Variants in GABRA4 observed in about 807,000 individuals in gnomAD.
GABRA4 encodes the protein gamma-aminobutyric acid receptor subunit alpha-4.
In GABRA4, 12 loss-of-function variants were observed where a neutral mutation model predicts 49.7. The ratio of observed to expected loss-of-function variants is 0.24; its 90% CI spans 0.15 to 0.39. GABRA4 has a LOEUF of 0.39. Among genes scored for constraint, GABRA4 ranks in the 10% least tolerant of loss-of-function variants. GABRA4 has a pLI of 1.00. For missense variants in GABRA4, 506 were observed against 686.0 expected, an observed-to-expected ratio of 0.74 and a Z score of 2.93; for synonymous variants, 288 against 240.2, an observed-to-expected ratio of 1.20 and a Z score of -1.84.
intron 5 of GABRA4, among the ~76,000 whole-genome samples, chr4:46,976,721 T>TTA (rs1306158773): frequency 8.6e-5 from 13 of 151,504 alleles, no homozygotes; most frequent in South Asian, 2.1e-4. Context: ...ATTATATCAA[T>TTA]TATATATATA....
intron 7 of GABRA4, among the ~76,000 whole-genome samples, chr4:46,965,543 G>C (rs530679720): frequency 6.6e-6 from 1 of 151,844 alleles, no homozygotes; most frequent in African/African-American, 2.4e-5. Flanking sequence ...AAGGTTAAAA[G>C]CATGTAACGC....
intron 8 of GABRA4, among the ~76,000 whole-genome samples, chr4:46,958,905 TTCAAAG>T (rs1722463299): frequency 6.6e-6 from 1 of 151,864 alleles, no homozygotes; most frequent in East Asian, 1.9e-4. Context: ...CTAAAGACAA[TTCAAAG>T]TGAGGAGTTC....
intron 8 of GABRA4, among the ~76,000 whole-genome samples, chr4:46,953,510 A>G (rs1486292222): frequency 1.3e-5 from 2 of 152,192 alleles, no homozygotes; most frequent in African/African-American, 2.4e-5. Flanking sequence ...AATAATGGTA[A>G]TATATTCTAA....
intron 8 of GABRA4, among the ~76,000 whole-genome samples, chr4:46,939,889 C>T (rs925716914): frequency 6.6e-6 from 1 of 151,958 alleles, no homozygotes; most frequent in Non-Finnish European, 1.5e-5. Context: ...TACTTTGATG[C>T]TTGACTGTCA....
intron 2 of GABRA4, among the ~76,000 whole-genome samples, chr4:46,988,534 C>T (rs994016949): frequency 6.6e-6 from 1 of 152,178 alleles, no homozygotes; most frequent in Non-Finnish European, 1.5e-5. Context: ...GACACATTAA[C>T]TTTTAAGTGG....
rs1720921396 is a variant in GABRA4 at position 46,920,041 on chromosome 4, A to G, written c.*8184T>C. On this transcript the variant is annotated 3_prime_UTR_variant, in exon 9 of 9. Transcript: ENST00000264318. ...GACAATATACATAATCAGTAAAATG[A>G]CAAGCCAACATGCTGCACTGTGTTA... 6.6e-6 allele frequency: 1 copy of G among 151,684 alleles called. No homozygotes were observed. Among genetic ancestry groups the G allele is most frequent in the South Asian group, 2.1e-4 (1 of 4,834 alleles). The allele number at this position is 151,684 out of a possible 1,614,324, so 9.4% of individuals were successfully genotyped here.
In GABRA4 at chr4:46,979,966, A is replaced by G. The variant is rs375662732; in HGVS notation, c.206-868T>C. 3.3e-5 allele frequency among the ~76,000 whole-genome samples: 5 copies of G among 152,254 alleles called. No individual in the cohort carries two copies. In the East Asian group the frequency reaches 9.7e-4, roughly 30 times the overall value. ...TGACACAGATTTTAGACAAGGGAAC[A>G]CAATCTGGGTTTAACACAATCTGAG... On this transcript the variant is annotated intron_variant, in intron 2 of 8. Coordinates refer to ENST00000264318, the MANE Select transcript of GABRA4 (RefSeq NM_000809.4).
chr4:46,961,121 G>A (rs182596813), intron 8 of GABRA4, among the ~76,000 whole-genome samples: 49 of 151,902 alleles, frequency 3.2e-4, no homozygotes, highest in Admixed American at 1.8e-3. Flanking sequence ...TTTCAAAATC[G>A]TGATGAAATT....
Position 46,985,405 on chromosome 4 carries a change from T to G in GABRA4, c.206-6307A>C, listed in dbSNP as rs73813763. Among the ~76,000 whole-genome samples the G allele has an allele frequency of 5.6e-3, 847 of 152,060 alleles. 9 individuals carry two copies. Among genetic ancestry groups the G allele is most frequent in the African/African-American group, 0.019 (785 of 41,532 alleles). On this transcript the variant is annotated intron_variant, in intron 2 of 8. Transcript: ENST00000264318. ...GGTTTAACTGGTATGTTTATTATAT[T>G]TTAATAAATGATTGAATAGATGAAA...
At chr4:46,947,071 G>A (rs561057474) in intron 8 of GABRA4, among the ~76,000 whole-genome samples, 2 of 151,686 alleles carry the variant, frequency 1.3e-5, no homozygotes, top group South Asian at 4.2e-4. Context: ...CATCCAAGAT[G>A]ACACAACATA....
chr4:46,938,052 TTC>T (rs1333377091), intron 8 of GABRA4, among the ~76,000 whole-genome samples: 1 of 151,948 alleles, frequency 6.6e-6, no homozygotes, highest in African/African-American at 2.4e-5. Flanking sequence ...TTTATAACTT[TTC>T]TTTTTCACAC....
At chr4:46,983,301 T>C (rs1184203879) in intron 2 of GABRA4, among the ~76,000 whole-genome samples, 4 of 152,146 alleles carry the variant, frequency 2.6e-5, no homozygotes, top group Non-Finnish European at 5.9e-5. Context: ...TTCTGAAGTA[T>C]TTTCTCAAAG....
At chr4:46,961,773 A>G (rs963924935) in intron 8 of GABRA4, among the ~76,000 whole-genome samples, 1 of 151,832 alleles carries the variant, frequency 6.6e-6, no homozygotes, top group Non-Finnish European at 1.5e-5. Flanking sequence ...CTGGTTCAAA[A>G]AAGAAGCTGA....
chr4:46,957,668 C>T (rs1156495028), intron 8 of GABRA4, among the ~76,000 whole-genome samples: 1 of 151,940 alleles, frequency 6.6e-6, no homozygotes, highest in African/African-American at 2.4e-5. Flanking sequence ...GTGATTGATG[C>T]CACCACCATC....
At chr4:46,950,411 C>T (rs1722129416) in intron 8 of GABRA4, among the ~76,000 whole-genome samples, 1 of 152,006 alleles carries the variant, frequency 6.6e-6, no homozygotes, top group Admixed American at 6.6e-5. Context: ...TATCATCATT[C>T]ATGACAAATT....
intron 8 of GABRA4, among the ~76,000 whole-genome samples, chr4:46,939,300 T>A (rs970200671): frequency 6.6e-6 from 1 of 152,044 alleles, no homozygotes; most frequent in Admixed American, 6.6e-5. Flanking sequence ...AATTAATATC[T>A]GATAATATCA....
rs1267709474 is a variant in GABRA4 at position 46,921,272 on chromosome 4, T to C, written c.*6953A>G. On this transcript the variant is annotated 3_prime_UTR_variant, in exon 9 of 9. Transcript: ENST00000264318. Reference sequence around the variant, plus strand: ...TACTTATAATTAAAGGAATAAGTACTTCACTAATCTACTGATGAATTGAAG... The same window carrying C: ...TACTTATAATTAAAGGAATAAGTACCTCACTAATCTACTGATGAATTGAAG... The C allele has an allele frequency of 6.6e-6, 1 of 151,856 alleles. No homozygotes were observed. The highest frequency in any genetic ancestry group is 2.4e-5 in the African/African-American group (1 of 41,406). 9.4% of individuals were successfully genotyped at this position (151,856 alleles called of 1,614,324 possible).
intron 2 of GABRA4, among the ~76,000 whole-genome samples, chr4:46,983,597 G>A (rs1723431907): frequency 6.6e-6 from 1 of 151,978 alleles, no homozygotes; most frequent in East Asian, 1.9e-4. Context: ...TGTATCCTCT[G>A]GCAGGACCAA....
At chr4:46,936,589 A>G (rs890442187) in intron 8 of GABRA4, among the ~76,000 whole-genome samples, 6 of 152,186 alleles carry the variant, frequency 3.9e-5, no homozygotes, top group African/African-American at 1.4e-4. Context: ...AACTATCAGT[A>G]AAATCCAGAA....
Sources: allele counts gnomAD v4.1 joint callset (sites outside exome capture counted in the v4.1 genomes callset), GRCh38; gene constraint gnomAD v4.1.1; transcripts MANE v1.5; gene names NCBI Gene and HGNC (gene_info 2026-07-23, HGNC 2026-07-21).